The following TTLL11 variants were observed in gnomAD, a reference collection of about 807,000 sequenced individuals.
TTLL11 encodes the protein tubulin tyrosine ligase like 11.
In TTLL11, 42 loss-of-function variants were observed where a neutral mutation model predicts 51.7. The ratio of observed to expected loss-of-function variants is 0.81; its 90% CI spans 0.64 to 1.05. TTLL11 has a LOEUF of 1.05. TTLL11 is among the 50% of genes least tolerant of loss of function. TTLL11 has a pLI of 0.00. For missense variants in TTLL11, 799 were observed against 940.4 expected (o/e 0.85, Z 1.97); for synonymous variants, 381 against 383.5 (o/e 0.99, Z 0.08).
In TTLL11 at chr9:122,059,210, C is replaced by T. The variant is rs146417754; in HGVS notation, c.463-19842G>A. On this transcript the variant is annotated intron_variant, in intron 1 of 8. Transcript: ENST00000321582. ...AGATTCTAGTCCTAATTAATTAATT[C>T]ATCCACTTGACAAACATTAATCGAA... Among the ~76,000 whole-genome samples, 4 of 152,306 alleles carry T rather than the reference C, an allele frequency of 2.6e-5. No individual in the cohort carries two copies. In the East Asian group the frequency reaches 7.7e-4, roughly 29 times the overall value.
intron 8 of TTLL11, among the ~76,000 whole-genome samples, chr9:121,839,873 C>T (rs1032139533): frequency 2.0e-5 from 3 of 152,190 alleles, no homozygotes; most frequent in African/African-American, 7.2e-5. Flanking sequence ...TGAGACCCCT[C>T]TGAGGAGCTC....
chr9:121,867,078 T>C (rs1334649310), intron 7 of TTLL11, among the ~76,000 whole-genome samples: 2 of 152,208 alleles, frequency 1.3e-5, no homozygotes, highest in Non-Finnish European at 2.9e-5. Context: ...GGAATCTTCT[T>C]GGTTAGAGCC....
chr9:122,021,171 T>A (rs570766895), intron 3 of TTLL11, among the ~76,000 whole-genome samples: 1 of 152,234 alleles, frequency 6.6e-6, no homozygotes, highest in African/African-American at 2.4e-5. Context: ...TCCTGAGAGA[T>A]AGGAATTGAA....
intron 4 of TTLL11, among the ~76,000 whole-genome samples, chr9:121,986,556 G>A (rs1260578495): frequency 2.0e-5 from 3 of 152,100 alleles, no homozygotes; most frequent in Non-Finnish European, 4.4e-5. Flanking sequence ...CCTGATGGCT[G>A]AGCTGTGCAT....
intron 6 of TTLL11, among the ~76,000 whole-genome samples, chr9:121,911,184 T>A (rs1021581206): frequency 6.6e-6 from 1 of 152,126 alleles, no homozygotes; most frequent in South Asian, 2.1e-4. Flanking sequence ...TCACTTGAGG[T>A]CAGGAGTTCG....
chr9:121,965,768 A>T (rs1289655492), intron 6 of TTLL11, among the ~76,000 whole-genome samples: 3 of 152,100 alleles, frequency 2.0e-5, no homozygotes, highest in Non-Finnish European at 2.9e-5. Flanking sequence ...TTTTGAGGGG[A>T]CTTCAATAAG....
At chr9:122,038,121 G>C (rs1380557910) in intron 2 of TTLL11, among the ~76,000 whole-genome samples, 1 of 152,068 alleles carries the variant, frequency 6.6e-6, no homozygotes, top group African/African-American at 2.4e-5. Context: ...GGTTTGGGAG[G>C]AAATATAGAA....
chr9:122,002,963 A>G (rs939435473), intron 3 of TTLL11, among the ~76,000 whole-genome samples: 5 of 150,008 alleles, frequency 3.3e-5, no homozygotes, highest in Non-Finnish European at 4.4e-5. Context: ...AAAAAAAAAA[A>G]AGAGATCCCC....
intron 8 of TTLL11, among the ~76,000 whole-genome samples, chr9:121,849,863 TCCAGGTAACC>T (rs993735983): frequency 4.8e-4 from 73 of 152,268 alleles, no homozygotes; most frequent in African/African-American, 1.7e-3. Context: ...GGAGATCAGT[TCCAGGTAACC>T]CCACCGCTAC....
At chr9:121,903,677 A>G (rs1312566988) in intron 6 of TTLL11, among the ~76,000 whole-genome samples, 1 of 152,116 alleles carries the variant, frequency 6.6e-6, no homozygotes, top group African/African-American at 2.4e-5. Context: ...TATGCACATT[A>G]TTTTTTATAA....
At chr9:122,062,495 G>C (rs1461426231) in intron 1 of TTLL11, among the ~76,000 whole-genome samples, 12 of 115,690 alleles carry the variant, frequency 1.0e-4, no homozygotes, top group Non-Finnish European at 2.0e-4. Flanking sequence ...TTGAGATGGA[G>C]TCTTGCTCTG....
chr9:121,929,508 A>T (rs1325678812), intron 6 of TTLL11, among the ~76,000 whole-genome samples: 1 of 152,164 alleles, frequency 6.6e-6, no homozygotes, highest in Non-Finnish European at 1.5e-5. Context: ...CTCTCAGTCA[A>T]GGAATATGTA....
chr9:121,982,616 G>C lies in TTLL11; in HGVS notation c.1269+6579C>G, dbSNP rs1326548738. Among the ~76,000 whole-genome samples, 6 of 151,558 alleles carry C rather than the reference G, an allele frequency of 4.0e-5. No individual in the cohort carries two copies. In the South Asian group the frequency reaches 6.3e-4, roughly 16 times the overall value. ...GGGTAGCTGTAATCCAGCTACTTGG[G>C]AGGCTGGGGCAGGAGAATCGCTTGA... On this transcript the variant is annotated intron_variant, in intron 4 of 8. Transcript: ENST00000321582.
intron 8 of TTLL11, among the ~76,000 whole-genome samples, chr9:121,826,493 ATGTGTGTG>A (rs777460665): frequency 1.5e-4 from 13 of 84,234 alleles, no homozygotes; most frequent in East Asian, 1.2e-3. Context: ...ATATATATAT[ATGTGTGTG>A]TATATATATA....
intron 6 of TTLL11, among the ~76,000 whole-genome samples, chr9:121,918,976 G>GT (rs1362316683): frequency 6.6e-6 from 1 of 152,256 alleles, no homozygotes; most frequent in Non-Finnish European, 1.5e-5. Context: ...AGTGGAGAGG[G>GT]TATGTGCAAG....
chr9:122,030,212 G>GT (rs1485296821), intron 3 of TTLL11, among the ~76,000 whole-genome samples: 3 of 138,698 alleles, frequency 2.2e-5, no homozygotes, highest in Non-Finnish European at 3.2e-5. Context: ...TGGGGGGGGG[G>GT]GGGTAATTAT....
intron 8 of TTLL11, among the ~76,000 whole-genome samples, chr9:121,842,621 T>C (rs1420643688): frequency 1.3e-5 from 2 of 152,182 alleles, no homozygotes; most frequent in Non-Finnish European, 2.9e-5. Flanking sequence ...GGTGAATATG[T>C]AGGAAATGTT....
chr9:122,021,294 A>C (rs1482628394), intron 3 of TTLL11, among the ~76,000 whole-genome samples: 2 of 152,052 alleles, frequency 1.3e-5, no homozygotes, highest in East Asian at 3.9e-4. Context: ...CTGAGTTGAG[A>C]AAATGGAACT....
chr9:122,041,269 C>T (rs971010723), intron 1 of TTLL11, among the ~76,000 whole-genome samples: 1 of 152,192 alleles, frequency 6.6e-6, no homozygotes, highest in Admixed American at 6.5e-5. Context: ...CATAATCCTA[C>T]CTCTTTTTAA....
Sources: allele counts gnomAD v4.1 joint callset (sites outside exome capture counted in the v4.1 genomes callset), GRCh38; gene constraint gnomAD v4.1.1; transcripts MANE v1.5; gene names NCBI Gene and HGNC (gene_info 2026-07-23, HGNC 2026-07-21).